The following SMARCA2 variants were observed in gnomAD, a reference collection of about 807,000 sequenced individuals.
SMARCA2 encodes SWI/SNF related BAF chromatin remodeling complex subunit ATPase 2, also known as SWI/SNF-related matrix-associated actin-dependent regulator of chromatin subfamily A member 2.
Under a neutral mutation model 199.8 loss-of-function variants are expected in SMARCA2, and 61 were observed. The observed-to-expected ratio is 0.31, with a 90% CI of 0.25 to 0.38. SMARCA2 has a LOEUF of 0.38. Among genes scored for constraint, SMARCA2 ranks in the 10% least tolerant of loss-of-function variants. SMARCA2 has a pLI of 1.00. For synonymous variants in SMARCA2, 935 were observed against 732.0 expected (o/e 1.28, Z -4.48); for missense variants, 1,344 against 2,012.2 (o/e 0.67, Z 6.35).
intron 5 of SMARCA2, 29 bp downstream of exon 5, chr9:2,047,513 C>G: frequency 7.4e-7 from 1 of 1,359,758 alleles, no homozygotes; most frequent in Non-Finnish European, 9.6e-7. Flanking sequence ...AAGGGGCCCC[C>G]TGCGGTGTGC....
At chr9:2,174,589 T>G (rs1312723762) in intron 29 of SMARCA2, among the ~76,000 whole-genome samples, 1 of 152,114 alleles carries the variant, frequency 6.6e-6, no homozygotes, top group African/African-American at 2.4e-5. Flanking sequence ...TGGTCGCAAT[T>G]CAGCCAAAAG....
chr9:2,112,069 T>C (rs1442776147), intron 24 of SMARCA2, among the ~76,000 whole-genome samples: 1 of 152,248 alleles, frequency 6.6e-6, no homozygotes, highest in Non-Finnish European at 1.5e-5. Context: ...GTAGAATTCA[T>C]ATTGATGTGA....
intron 27 of SMARCA2, among the ~76,000 whole-genome samples, chr9:2,150,124 T>C (rs1182455750): frequency 6.6e-6 from 1 of 151,620 alleles, no homozygotes; most frequent in Non-Finnish European, 1.5e-5. Flanking sequence ...AATTAGAACC[T>C]CCCTGGGAAG....
intron 29 of SMARCA2, among the ~76,000 whole-genome samples, chr9:2,175,283 C>G (rs929365159): frequency 2.0e-5 from 3 of 151,998 alleles, no homozygotes; most frequent in African/African-American, 4.8e-5. Flanking sequence ...TACTCAAAAA[C>G]ATTTTTTGAA....
At chr9:2,031,816 C>G (rs1175085764) in intron 2 of SMARCA2, among the ~76,000 whole-genome samples, 1 of 152,184 alleles carries the variant, frequency 6.6e-6, no homozygotes, top group Non-Finnish European at 1.5e-5. Context: ...TCACTTTTTT[C>G]TATGCTTTTT....
At chr9:2,082,073 T>C (rs980992514) in intron 15 of SMARCA2, 78 bp downstream of exon 15, 8 of 1,206,612 alleles carry the variant, frequency 6.6e-6, no homozygotes, top group Non-Finnish European at 9.4e-6. Context: ...CCTTGTTTTT[T>C]ACTTAAGACA....
At chr9:2,140,597 C>G (rs922099570) in intron 27 of SMARCA2, among the ~76,000 whole-genome samples, 1 of 152,144 alleles carries the variant, frequency 6.6e-6, no homozygotes, top group Non-Finnish European at 1.5e-5. Context: ...TTATTTGGAA[C>G]CAGTTCCCTG....
intron 27 of SMARCA2, among the ~76,000 whole-genome samples, chr9:2,144,834 A>G (rs1824648515): frequency 6.6e-6 from 1 of 151,724 alleles, no homozygotes; most frequent in South Asian, 2.1e-4. Flanking sequence ...GCTGATCACA[A>G]CTCATCTCAC....
intron 13 of SMARCA2, 76 bp downstream of exon 13, chr9:2,076,405 G>T: frequency 1.0e-6 from 1 of 954,288 alleles, no homozygotes; most frequent in South Asian, 1.3e-5. Flanking sequence ...AGGAAATTTT[G>T]TTCAAGGAAG....
Position 2,065,443 on chromosome 9 carries a change from G to GTCTC in SMARCA2, c.1692+4471_1692+4474dup, listed in dbSNP as rs138578190. ...TTCTTTCTGAAAGTTCTTTTATCCTGTCTCTCTCTCTCTCTCTTTCTCCTT... is the reference window on the plus strand; with the variant it reads ...TTCTTTCTGAAAGTTCTTTTATCCTGTCTCTCTCTCTCTCTCTCTCTTTCTCCTT... On this transcript the variant is annotated intron_variant, in intron 9 of 33. Transcript: ENST00000349721. Among the ~76,000 whole-genome samples, 5 of 150,446 alleles carry GTCTC rather than the reference G, an allele frequency of 3.3e-5. 1 individual carries two copies. Among genetic ancestry groups the GTCTC allele is most frequent in the South Asian group, 4.2e-4 (2 of 4,776 alleles).
Position 2,155,028 on chromosome 9 carries a change from C to G in SMARCA2, c.3982-6658C>G, listed in dbSNP as rs1168590523. 1.3e-5 allele frequency among the ~76,000 whole-genome samples: 2 copies of G among 152,146 alleles called. 1 individual carries two copies. Among genetic ancestry groups the G allele is most frequent in the Non-Finnish European group, 2.9e-5 (2 of 68,006 alleles). The stretch of plus-strand genomic sequence containing the variant: ...TAAGTCTCTTGCAGGGTCTCAAGAT[C>G]ATCTCTCAGGTTTTTTGATTCTACC... On this transcript the variant is annotated intron_variant, in intron 27 of 33. Transcript: ENST00000349721.
rs77406154 is a variant in SMARCA2 at position 2,097,377 on chromosome 9, G to A, written c.2992-8G>A. 5,177 of 1,576,374 alleles carry A rather than the reference G, an allele frequency of 3.3e-3. 145 individuals carry two copies. In the African/African-American group the frequency reaches 0.061, roughly 18 times the overall value. On this transcript the variant is annotated splice_polypyrimidine_tract_variant and splice_region_variant and intron_variant, in intron 20 of 33. Coordinates refer to ENST00000349721, the MANE Select transcript of SMARCA2 (RefSeq NM_003070.5). ...TAATTCTATTTTTCCCTTTCCACTG[G>A]TTCTTAGGGGAAAGGAGGTGCTAAG...
At chr9:2,023,304 T>G (rs1410126639) in intron 1 of SMARCA2, among the ~76,000 whole-genome samples, 1 of 152,172 alleles carries the variant, frequency 6.6e-6, no homozygotes, top group Non-Finnish European at 1.5e-5. Context: ...GGCAGTTTAT[T>G]TAAAGTGAGG....
chr9:2,065,284 A>G (rs1820787823), intron 9 of SMARCA2, among the ~76,000 whole-genome samples: 1 of 152,138 alleles, frequency 6.6e-6, no homozygotes, highest in Non-Finnish European at 1.5e-5. Flanking sequence ...TTTCAGTGGG[A>G]TGTATACCAG....
At chr9:2,122,503 A>C (rs552344063) in intron 26 of SMARCA2, among the ~76,000 whole-genome samples, 144 of 152,226 alleles carry the variant, frequency 9.5e-4, no homozygotes, top group Non-Finnish European at 1.7e-3. Flanking sequence ...TAATTATAGC[A>C]CATGACAGAG....
chr9:2,083,638 A>C (rs1020733491), intron 16 of SMARCA2, among the ~76,000 whole-genome samples: 3 of 152,222 alleles, frequency 2.0e-5, no homozygotes, highest in African/African-American at 7.2e-5. Context: ...TCATATTGCA[A>C]GGTTTCTGAT....
chr9:2,042,940 C>T (rs1819674496), intron 4 of SMARCA2: 2 of 152,062 alleles, frequency 1.3e-5, no homozygotes, highest in Non-Finnish European at 1.5e-5. Flanking sequence ...AACTTGTCCC[C>T]ACATCTCAGG....
At chr9:2,102,152 TG>T in intron 22 of SMARCA2, among the ~76,000 whole-genome samples, 1 of 151,948 alleles carries the variant, frequency 6.6e-6, no homozygotes, top group Non-Finnish European at 1.5e-5. Context: ...TGTGTGTGTG[TG>T]TGTGTGTGTG....
intron 27 of SMARCA2, among the ~76,000 whole-genome samples, chr9:2,146,952 G>A (rs147953501): frequency 6.6e-6 from 1 of 152,092 alleles, no homozygotes; most frequent in African/African-American, 2.4e-5. Context: ...ATCTCATCCT[G>A]TGACTGACAA....
Sources: gnomAD v4.1 joint callset for allele counts (sites outside exome capture counted in the v4.1 genomes callset) on GRCh38, gnomAD v4.1.1 for gene constraint, MANE v1.5 for transcripts, NCBI Gene and HGNC (gene_info 2026-07-23, HGNC 2026-07-21) for gene names.